ARID4A: variants seen among roughly 807,000 people sequenced by gnomAD.
ARID4A encodes AT-rich interactive domain-containing protein 4A.
A neutral mutation model predicts 148.6 loss-of-function variants in ARID4A; 39 were observed. The ratio of observed to expected loss-of-function variants is 0.26; its 90% CI spans 0.20 to 0.34. The LOEUF (loss-of-function observed/expected upper bound fraction) is 0.34, where lower values mean the gene tolerates loss of function less well. Among genes scored for constraint, ARID4A ranks in the 10% least tolerant of loss-of-function variants. The probability of loss-of-function intolerance (pLI) is 1.00; values close to 1 mark genes in which losing one functional copy is unlikely to be tolerated. For synonymous variants in ARID4A, 475 were observed against 481.2 expected (o/e 0.99, Z 0.17); for missense variants, 1,265 against 1,449.1 (o/e 0.87, Z 2.06).
At chr14:58,350,801 TTTG>T (rs1029482794) in intron 15 of ARID4A, among the ~76,000 whole-genome samples, 4 of 152,278 alleles carry the variant, frequency 2.6e-5, no homozygotes, top group African/African-American at 7.2e-5. Context: ...TTATTTCTTT[TTTG>T]TTGTTGTTGT....
intron 1 of ARID4A, among the ~76,000 whole-genome samples, chr14:58,299,149 TC>T (rs2030864798): frequency 6.6e-6 from 1 of 151,834 alleles, no homozygotes; most frequent in Non-Finnish European, 1.5e-5. Flanking sequence ...GCGGCTCCCC[TC>T]CCCTCCCACA....
chr14:58,302,353 G>A (rs1449498367), intron 3 of ARID4A, among the ~76,000 whole-genome samples: 1 of 152,184 alleles, frequency 6.6e-6, no homozygotes, highest in Non-Finnish European at 1.5e-5. Flanking sequence ...AATTAGCTGG[G>A]TGTGGTGGCA....
intron 5 of ARID4A, among the ~76,000 whole-genome samples, chr14:58,318,163 T>C (rs1455578887): frequency 1.3e-5 from 2 of 152,186 alleles, no homozygotes; most frequent in African/African-American, 4.8e-5. Flanking sequence ...GGTACTCTAA[T>C]ATTAAACTTT....
intron 11 of ARID4A, among the ~76,000 whole-genome samples, chr14:58,343,549 C>G (rs928177616): frequency 6.6e-6 from 1 of 152,172 alleles, no homozygotes; most frequent in Non-Finnish European, 1.5e-5. Flanking sequence ...AAAATCCAGG[C>G]TGGGTGCTGT....
intron 11 of ARID4A, among the ~76,000 whole-genome samples, chr14:58,340,305 A>G (rs1007361881): frequency 2.0e-5 from 3 of 150,654 alleles, no homozygotes; most frequent in Admixed American, 1.3e-4. Flanking sequence ...AGCTGGGATT[A>G]CAGGTGCACG....
chr14:58,371,988 G>A lies in ARID4A; in HGVS notation c.3773G>A (p.Ter1258=). The A allele has an allele frequency of 2.5e-6, 4 of 1,587,604 alleles. No homozygotes were observed. Among genetic ancestry groups the A allele is most frequent in the Non-Finnish European group, 3.5e-6 (4 of 1,156,278 alleles). ...AATGTACTTGCTGTAGAATGCAGGT[G>A]ATAAACATTTTCTCTACCTTCCCAG... ...PQNVLAVECR[*] The change falls in exon 24 of 24, where the codon TGA becomes TAA. Residue 1258 remains the stop codon, a stop_retained_variant. Transcript: ENST00000355431.
intron 5 of ARID4A, among the ~76,000 whole-genome samples, chr14:58,312,493 G>A (rs893726663): frequency 2.0e-5 from 3 of 152,126 alleles, no homozygotes; most frequent in African/African-American, 7.2e-5. Context: ...TGGGATTACA[G>A]GCATGAGCCT....
chr14:58,340,580 G>C (rs1393919428), intron 11 of ARID4A, among the ~76,000 whole-genome samples: 1 of 152,092 alleles, frequency 6.6e-6, no homozygotes, highest in African/African-American at 2.4e-5. Context: ...GAACTTCTGA[G>C]CTCAGGCAAT....
chr14:58,344,498 G>A (rs1313479691), intron 11 of ARID4A, among the ~76,000 whole-genome samples, 197 bp from the exon 12 acceptor site: 2 of 152,134 alleles, frequency 1.3e-5, no homozygotes, highest in Non-Finnish European at 2.9e-5. Flanking sequence ...AGTTAGAGTG[G>A]TAAATGGAGT....
chr14:58,365,066 C>T lies in ARID4A; in HGVS notation c.2977C>T (p.Pro993Ser). 6.2e-7 allele frequency: 1 copy of T among 1,614,108 alleles called. No homozygotes were observed. ...GTCTAACTCTCTTGTTTCTATTCCA[C>T]CTGCCCTACCTCCTGTAGTCCAACA... ...SESNSLVSIP[P>S]ALPPVVQHNF... The change falls in exon 20 of 24, where the codon CCT becomes TCT. Residue 993 changes from proline to serine, a missense_variant. Around this residue, in one of 9 missense-constraint regions of ARID4A, gnomAD observed 666 missense variants for 730.9 expected, o/e 0.91. Transcript: ENST00000355431.
At chr14:58,322,285 T>C (rs758887252) in intron 7 of ARID4A, among the ~76,000 whole-genome samples, 1 of 152,108 alleles carries the variant, frequency 6.6e-6, no homozygotes, top group Non-Finnish European at 1.5e-5. Flanking sequence ...TGTATATAAA[T>C]TTATTAGTGT....
chr14:58,353,654 G>A lies in ARID4A; in HGVS notation c.1656-4G>A, dbSNP rs541816907. The A allele has an allele frequency of 6.2e-7, 1 of 1,613,034 alleles. No homozygotes were observed. The highest frequency in any genetic ancestry group is 8.5e-7 in the Non-Finnish European group (1 of 1,179,308). The stretch of plus-strand genomic sequence containing the variant: ...AGCATTATCAGTATTATAACTTACT[G>A]CAGGGAAGAAACTGAAAGCAAATGT... On this transcript the variant is annotated splice_region_variant and splice_polypyrimidine_tract_variant and intron_variant, in intron 16 of 23. Coordinates refer to ENST00000355431, the MANE Select transcript of ARID4A (RefSeq NM_002892.4).
chr14:58,348,486 G>A (rs1238510603), intron 15 of ARID4A, among the ~76,000 whole-genome samples: 1 of 152,178 alleles, frequency 6.6e-6, no homozygotes, highest in Non-Finnish European at 1.5e-5. Context: ...ATAGCACACT[G>A]TGTAGCTCTA....
intron 5 of ARID4A, among the ~76,000 whole-genome samples, chr14:58,306,590 T>G (rs779995439): frequency 1.3e-5 from 2 of 152,172 alleles, no homozygotes; most frequent in Non-Finnish European, 2.9e-5. Context: ...TATTAACAGC[T>G]TTCAAGGTCG....
At chr14:58,303,762 G>A (rs2031381875) in intron 3 of ARID4A, 1 of 246,198 alleles carries the variant, frequency 4.1e-6, no homozygotes, top group Non-Finnish European at 8.7e-6. Flanking sequence ...AACTCTGGGG[G>A]TAAGATCCAG....
intron 17 of ARID4A, among the ~76,000 whole-genome samples, 172 bp from the exon 18 acceptor site, chr14:58,358,960 T>C (rs1436179427): frequency 6.6e-6 from 1 of 152,196 alleles, no homozygotes; most frequent in Non-Finnish European, 1.5e-5. Flanking sequence ...CTACTACAGT[T>C]ACTGGCACAT....
At chr14:58,349,175 T>C (rs528794077) in intron 15 of ARID4A, among the ~76,000 whole-genome samples, 1 of 152,304 alleles carries the variant, frequency 6.6e-6, no homozygotes, top group East Asian at 1.9e-4. Flanking sequence ...GTAGCACATA[T>C]CAGAATTTCC....
At chr14:58,357,646 C>G (rs1210590183) in intron 17 of ARID4A, among the ~76,000 whole-genome samples, 1 of 129,462 alleles carries the variant, frequency 7.7e-6, no homozygotes, top group Non-Finnish European at 1.6e-5. Flanking sequence ...CATCAGCTAT[C>G]GTTAGTGTTA....
At chr14:58,339,092 G>A (rs1439220427) in intron 11 of ARID4A, among the ~76,000 whole-genome samples, 1 of 150,600 alleles carries the variant, frequency 6.6e-6, no homozygotes, top group African/African-American at 2.4e-5. Flanking sequence ...AGCCTCCTGA[G>A]TAGCTGGGAC....
Sources: allele counts gnomAD v4.1 joint callset (sites outside exome capture counted in the v4.1 genomes callset), GRCh38; gene constraint gnomAD v4.1.1; regional missense constraint gnomAD v4.1.1; transcripts MANE v1.5; gene names NCBI Gene and HGNC (gene_info 2026-07-23, HGNC 2026-07-21).